Variants in NDST3 observed in about 807,000 individuals in gnomAD.
NDST3 encodes the protein bifunctional heparan sulfate N-deacetylase/N-sulfotransferase 3.
In NDST3, 58 loss-of-function variants were observed where a neutral mutation model predicts 96.1. The ratio of observed to expected loss-of-function variants is 0.60; its 90% CI spans 0.49 to 0.75. The LOEUF (loss-of-function observed/expected upper bound fraction) is 0.75, where lower values mean the gene tolerates loss of function less well. Ranked by LOEUF, NDST3 falls within the 30% of genes least tolerant of loss-of-function variation. The pLI is 0.00. For missense variants in NDST3, 788 were observed against 1,034.2 expected, an observed-to-expected ratio of 0.76 and a Z score of 3.27; for synonymous variants, 333 against 359.7, an observed-to-expected ratio of 0.93 and a Z score of 0.84.
intron 6 of NDST3, among the ~76,000 whole-genome samples, chr4:118,188,485 A>T (rs1282366832): frequency 6.6e-6 from 1 of 152,028 alleles, no homozygotes; most frequent in Non-Finnish European, 1.5e-5. Flanking sequence ...TCTTAAATCC[A>T]GTTGTTTCTC....
intron 6 of NDST3, among the ~76,000 whole-genome samples, chr4:118,215,753 C>G (rs1015587374): frequency 6.6e-6 from 1 of 151,970 alleles, no homozygotes; most frequent in African/African-American, 2.4e-5. Context: ...AAATGGAACA[C>G]CTTTGCTTGA....
At chr4:118,061,168 A>G (rs1022830494) in intron 2 of NDST3, among the ~76,000 whole-genome samples, 1 of 152,030 alleles carries the variant, frequency 6.6e-6, no homozygotes, top group Non-Finnish European at 1.5e-5. Flanking sequence ...CCTCTCTAGT[A>G]TCTTTGCTGT....
intron 1 of NDST3, among the ~76,000 whole-genome samples, chr4:118,043,273 T>C (rs989238193): frequency 6.6e-6 from 1 of 152,230 alleles, no homozygotes; most frequent in African/African-American, 2.4e-5. Flanking sequence ...AGCATTAGAA[T>C]ACAGTAAAAG....
At chr4:118,242,237 T>C (rs1741051931) in intron 12 of NDST3, 88 bp downstream of exon 12, 1 of 832,766 alleles carries the variant, frequency 1.2e-6, no homozygotes, top group Non-Finnish European at 2.0e-6. Context: ...ACTGTCAGGT[T>C]ACTTGTTCCT....
chr4:118,211,801 T>G (rs1418359465), intron 6 of NDST3, among the ~76,000 whole-genome samples: 1 of 152,104 alleles, frequency 6.6e-6, no homozygotes, highest in African/African-American at 2.4e-5. Context: ...TAAATCTGTG[T>G]AACTAGGCTC....
At chr4:118,174,081 G>A (rs1410854246) in intron 6 of NDST3, among the ~76,000 whole-genome samples, 1 of 151,506 alleles carries the variant, frequency 6.6e-6, no homozygotes, top group Non-Finnish European at 1.5e-5. Flanking sequence ...TAAATTGAAT[G>A]CTGCGCTTTG....
At chr4:118,120,843 T>C (rs571626926) in intron 4 of NDST3, among the ~76,000 whole-genome samples, 1 of 152,344 alleles carries the variant, frequency 6.6e-6, no homozygotes, top group East Asian at 1.9e-4. Flanking sequence ...TGTCCACTGA[T>C]GTGGTGTTAT....
In NDST3 at chr4:118,256,978, T is replaced by G. The variant is rs186261311; in HGVS notation, c.*1266T>G. ...TGGAAGTAACAGATCATAGGTACAA[T>G]TAAGGATTAGCTACTAAATTAAATG... On this transcript the variant is annotated 3_prime_UTR_variant, in exon 14 of 14. Transcript: ENST00000296499. The G allele has an allele frequency of 2.6e-5, 4 of 152,236 alleles. No homozygotes were observed. In the East Asian group the frequency reaches 7.7e-4, roughly 29 times the overall value. The allele number at this position is 152,236 out of a possible 1,614,324, so 9.4% of individuals were successfully genotyped here.
chr4:118,045,486 A>G (rs147023483), intron 1 of NDST3, among the ~76,000 whole-genome samples: 10 of 152,354 alleles, frequency 6.6e-5, no homozygotes, highest in Non-Finnish European at 1.3e-4. Context: ...GTTTGAATGC[A>G]TGACATATAT....
chr4:118,143,238 T>A (rs1004591747), intron 5 of NDST3, among the ~76,000 whole-genome samples: 1 of 150,020 alleles, frequency 6.7e-6, no homozygotes, highest in East Asian at 1.9e-4. Context: ...TTTTTACTTC[T>A]TTTTTTTTAA....
chr4:118,082,907 A>G lies in NDST3; in HGVS notation c.982-22111A>G, dbSNP rs918256119. On this transcript the variant is annotated intron_variant, in intron 2 of 13. Coordinates refer to ENST00000296499, the MANE Select transcript of NDST3 (RefSeq NM_004784.3). ...CAAAGGGGAAGTAGGCACATCTTAC[A>G]TGGCCAGAGAAGGAGTAAGAGAGAG... Among the ~76,000 whole-genome samples the G allele has an allele frequency of 2.0e-5, 3 of 152,130 alleles. No homozygotes were observed. In the East Asian group the frequency reaches 5.8e-4, roughly 29 times the overall value.
intron 2 of NDST3, among the ~76,000 whole-genome samples, chr4:118,066,182 A>T (rs1726354192): frequency 4.5e-5 from 1 of 22,148 alleles, no homozygotes; most frequent in Non-Finnish European, 1.2e-4. Context: ...TTTATATATT[A>T]TATATCTTAT....
At chr4:118,221,099 G>A (rs761096044) in intron 6 of NDST3, among the ~76,000 whole-genome samples, 4 of 151,910 alleles carry the variant, frequency 2.6e-5, no homozygotes, top group Non-Finnish European at 5.9e-5. Context: ...ATAAAGACTG[G>A]TGATCAGAAT....
At chr4:118,201,133 G>A (rs932756738) in intron 6 of NDST3, among the ~76,000 whole-genome samples, 1 of 152,056 alleles carries the variant, frequency 6.6e-6, no homozygotes, top group South Asian at 2.1e-4. Flanking sequence ...TTTTATAACT[G>A]TGTACTATTC....
At chr4:118,218,961 A>C (rs934217328) in intron 6 of NDST3, among the ~76,000 whole-genome samples, 7 of 152,150 alleles carry the variant, frequency 4.6e-5, no homozygotes, top group African/African-American at 1.7e-4. Flanking sequence ...AAAGAGAATA[A>C]AATACCTAGG....
At chr4:118,200,293 C>T (rs1226372151) in intron 6 of NDST3, among the ~76,000 whole-genome samples, 2 of 152,190 alleles carry the variant, frequency 1.3e-5, no homozygotes, top group African/African-American at 4.8e-5. Flanking sequence ...CTTCCCTCCC[C>T]TTTCCAAATG....
At chr4:118,231,645 A>G (rs909759537) in intron 8 of NDST3, among the ~76,000 whole-genome samples, 9 of 152,096 alleles carry the variant, frequency 5.9e-5, no homozygotes, top group Admixed American at 5.9e-4. Context: ...CTAGCTATTG[A>G]CTTGGAATAT....
At chr4:118,170,071 CA>C (rs1735832678) in intron 6 of NDST3, among the ~76,000 whole-genome samples, 2 of 152,166 alleles carry the variant, frequency 1.3e-5, no homozygotes, top group Non-Finnish European at 1.5e-5. Flanking sequence ...ATTCAGAAGT[CA>C]CAGCATCACT....
intron 6 of NDST3, chr4:118,194,036 A>G (rs1245137739): frequency 1.1e-5 from 15 of 1,390,470 alleles, no homozygotes; most frequent in Non-Finnish European, 1.4e-5. Flanking sequence ...AAAACTCTTG[A>G]GGTGTAATTC....
Sources: allele counts gnomAD v4.1 joint callset (sites outside exome capture counted in the v4.1 genomes callset), GRCh38; gene constraint gnomAD v4.1.1; transcripts MANE v1.5; gene names NCBI Gene and HGNC (gene_info 2026-07-23, HGNC 2026-07-21).